Variants in MOB2 observed in about 807,000 individuals in gnomAD.
MOB2 encodes the protein MOB kinase activator 2, also known as MOB2 Mps One Binder homolog.
In MOB2, 14 loss-of-function variants were observed where a neutral mutation model predicts 27.4. The observed-to-expected ratio is 0.51, with a 90% confidence interval of 0.34 to 0.80. The LOEUF is 0.80. Among genes scored for constraint, MOB2 ranks in the 30% least tolerant of loss-of-function variants. The probability of loss-of-function intolerance (pLI) is 0.01; values close to 1 mark genes in which losing one functional copy is unlikely to be tolerated. For missense variants in MOB2, 304 were observed against 354.6 expected (o/e 0.86, Z 1.15); for synonymous variants, 167 against 151.8 (o/e 1.10, Z -0.74).
chr11:1,482,258 G>A (rs1390830372), intron 1 of MOB2, among the ~76,000 whole-genome samples: 10 of 152,364 alleles, frequency 6.6e-5, no homozygotes, highest in Admixed American at 6.5e-4. Flanking sequence ...AGCTCCAGGT[G>A]GCAGTTACCT....
intron 1 of MOB2, among the ~76,000 whole-genome samples, chr11:1,485,587 A>G (rs1445941468): frequency 1.3e-5 from 2 of 152,040 alleles, no homozygotes; most frequent in East Asian, 3.9e-4. Context: ...CGGGTGCCGC[A>G]GCCCCCGGCC....
At chr11:1,484,260 TG>T (rs1847946240) in intron 1 of MOB2, among the ~76,000 whole-genome samples, 1 of 151,838 alleles carries the variant, frequency 6.6e-6, no homozygotes, top group South Asian at 2.1e-4. Flanking sequence ...CGCCAAGGGG[TG>T]GGGCAGGCAC....
intron 3 of MOB2, among the ~76,000 whole-genome samples, chr11:1,477,531 G>C (rs775479533): frequency 1.4e-4 from 22 of 152,314 alleles, no homozygotes; most frequent in Non-Finnish European, 2.5e-4. Context: ...GAGGTTGCAA[G>C]GGTAGAACGC....
intron 4 of MOB2, 73 bp downstream of exon 4, chr11:1,471,222 T>G: frequency 6.6e-7 from 1 of 1,524,658 alleles, no homozygotes; most frequent in Non-Finnish European, 8.8e-7. Context: ...AGGAGCTTGG[T>G]CACTTGCAGA....
chr11:1,481,755 CAGGGGCAGGG>C (rs766858253), intron 1 of MOB2, among the ~76,000 whole-genome samples: 153 of 102,808 alleles, frequency 1.5e-3, no homozygotes, highest in Non-Finnish European at 1.8e-3. Context: ...GGGGCAGGGG[CAGGGGCAGGG>C]AGGGGCAGGG....
At chr11:1,473,794 C>A (rs1403343272) in intron 3 of MOB2, among the ~76,000 whole-genome samples, 2 of 152,242 alleles carry the variant, frequency 1.3e-5, no homozygotes, top group Non-Finnish European at 2.9e-5. Context: ...GCATTCATAA[C>A]CACAATCAGG....
In MOB2 at chr11:1,470,122, A is replaced by G. The variant is rs1156261254; in HGVS notation, c.*50T>C. 1.9e-6 allele frequency: 3 copies of G among 1,552,290 alleles called. No homozygotes were observed. In the African/African-American group the frequency reaches 4.1e-5, roughly 21 times the overall value. ...TGCACACGCAGATGCAGGAGAGAAC[A>G]CACACCACCGTCTCTTTGCACACGT... On this transcript the variant is annotated 3_prime_UTR_variant, in exon 5 of 5. Transcript: ENST00000329957.
Position 1,470,057 on chromosome 11 carries a change from G to T in MOB2, c.*115C>A. 1.3e-6 allele frequency: 2 copies of T among 1,538,028 alleles called. No homozygotes were observed. Among genetic ancestry groups the T allele is most frequent in the Non-Finnish European group, 1.7e-6 (2 of 1,146,764 alleles). On this transcript the variant is annotated 3_prime_UTR_variant, in exon 5 of 5. Transcript: ENST00000329957. ...GCAGCCCACACCAGTGCAGCCCGGGGCCCTCTCAGACCTCACCACACGCGT... is the reference window on the plus strand; with the variant it reads ...GCAGCCCACACCAGTGCAGCCCGGGTCCCTCTCAGACCTCACCACACGCGT...
rs2133371163 is a variant in MOB2 at position 1,486,725 on chromosome 11, G to T, written c.-169C>A. 3.4e-6 allele frequency: 2 copies of T among 584,352 alleles called. No homozygotes were observed. The highest frequency in any genetic ancestry group is 2.0e-5 in the South Asian group (1 of 50,182). The allele number at this position is 584,352 out of a possible 1,614,324, so 36.2% of individuals were successfully genotyped here. ...GAGGCAAGGGCTGGCCAAGGCTGGT[G>T]AAACGAGGGAGCGTCTGAATTGGCC... On this transcript the variant is annotated 5_prime_UTR_variant, in exon 1 of 5. The change creates a premature stop within an existing upstream ORF in the 5' untranslated region. Coordinates refer to ENST00000329957, the MANE Select transcript of MOB2 (RefSeq NM_001172223.3).
intron 1 of MOB2, among the ~76,000 whole-genome samples, chr11:1,484,593 C>A (rs1237973688): frequency 1.3e-5 from 2 of 152,138 alleles, no homozygotes; most frequent in African/African-American, 4.8e-5. Flanking sequence ...ACGCCACGGG[C>A]ACCTCCTGTC....
chr11:1,480,860 T>C lies in MOB2; in HGVS notation c.136A>G (p.Lys46Glu), dbSNP rs1784868289. Residue 46 changes from lysine (K) to glutamate (E), a missense_variant, in exon 2 of 5, where the codon AAG becomes GAG. Physicochemically the swap from Lys to Glu is moderately conservative, Grantham distance 56. Transcript: ENST00000329957. Reference sequence around the variant, plus strand: ...TTCCTCTCCTCCGCAGCGGGCTTCTTGCCATTAGGCTTGGCTTTGGACTTC... The same window carrying C: ...TTCCTCTCCTCCGCAGCGGGCTTCTCGCCATTAGGCTTGGCTTTGGACTTC... ...LRKSKAKPNG[K>E]KPAAEERKAY... The C allele has an allele frequency of 2.6e-6, 4 of 1,563,306 alleles. No homozygotes were observed. The highest frequency in any genetic ancestry group is 2.4e-5 in the East Asian group (1 of 41,810).
chr11:1,475,690 G>T (rs1041336237), intron 3 of MOB2, among the ~76,000 whole-genome samples: 1 of 152,180 alleles, frequency 6.6e-6, no homozygotes, highest in African/African-American at 2.4e-5. Context: ...ATGGCAACAC[G>T]CTGCTGCTCC....
intron 3 of MOB2, 171 bp from the exon 4 acceptor site, chr11:1,471,590 G>A (rs371687203): frequency 2.5e-5 from 18 of 727,940 alleles, no homozygotes; most frequent in African/African-American, 3.5e-5. Context: ...CACTGTCTGC[G>A]GGGACCACAC....
rs141993475 is a variant in MOB2 at position 1,480,123 on chromosome 11, G to C, written c.365+270C>G. 3.5e-3 allele frequency among the ~76,000 whole-genome samples: 529 copies of C among 152,330 alleles called. 1 individual carries two copies. The highest frequency in any genetic ancestry group is 0.012 in the African/African-American group (505 of 41,576). ...TCTGCAATCTTAGGGCATTCCTTCT[G>C]GAAACGTCTCTGTCCCTAGAAACAT... On this transcript the variant is annotated intron_variant, in intron 3 of 4. Coordinates refer to ENST00000329957, the MANE Select transcript of MOB2 (RefSeq NM_001172223.3).
At chr11:1,478,180 AGCCCCACCGCCACCACAG>A (rs1847872930) in intron 3 of MOB2, among the ~76,000 whole-genome samples, 1 of 145,270 alleles carries the variant, frequency 6.9e-6, no homozygotes, top group Non-Finnish European at 1.5e-5. Flanking sequence ...CAGCCGCCAC[AGCCCCACCGCCACCACAG>A]GCCCCACGGC....
intron 1 of MOB2, among the ~76,000 whole-genome samples, 182 bp downstream of exon 1, chr11:1,486,265 C>T (rs1847968644): frequency 6.6e-6 from 1 of 152,240 alleles, no homozygotes; most frequent in African/African-American, 2.4e-5. Context: ...TGCACAGCCG[C>T]CTCTGCCCTG....
chr11:1,470,552 T>C, intron 4 of MOB2, 64 bp from the exon 5 acceptor site: 5 of 1,531,998 alleles, frequency 3.3e-6, no homozygotes, highest in African/African-American at 1.4e-5. Flanking sequence ...GCCAGGCCCC[T>C]GGCACCCAGC....
In MOB2 at chr11:1,483,199, G is replaced by A. The variant is rs541907660; in HGVS notation, c.111-2314C>T. On this transcript the variant is annotated intron_variant, in intron 1 of 4. Transcript: ENST00000329957. ...GCCCAGCTGCCCCTCACCCAGGGAA[G>A]TGCCGAGGCCCTGCGCCCTGCTCCC... Among the ~76,000 whole-genome samples the A allele has an allele frequency of 2.6e-5, 4 of 152,316 alleles. No individual in the cohort carries two copies. In the East Asian group the frequency reaches 7.7e-4, roughly 29 times the overall value.
intron 1 of MOB2, 103 bp downstream of exon 1, chr11:1,486,344 A>T: frequency 1.1e-6 from 1 of 874,426 alleles, no homozygotes; most frequent in Non-Finnish European, 1.8e-6. Flanking sequence ...GCAGCCACGG[A>T]CACAGTCCGC....
Sources: gnomAD v4.1 joint callset for allele counts (sites outside exome capture counted in the v4.1 genomes callset) on GRCh38, gnomAD v4.1.1 for gene constraint, MANE v1.5 for transcripts, NCBI Gene and HGNC (gene_info 2026-07-23, HGNC 2026-07-21) for gene names.